The following CDH18 variants were observed in gnomAD, a reference collection of about 807,000 sequenced individuals.
CDH18 encodes the protein cadherin-18.
In CDH18, 31 loss-of-function variants were observed where a neutral mutation model predicts 67.9. That is an observed-to-expected ratio of 0.46 (90% CI 0.34 to 0.62). The LOEUF (loss-of-function observed/expected upper bound fraction) is 0.62. Ranked by LOEUF, CDH18 falls within the 20% of genes least tolerant of loss-of-function variation. CDH18 has a pLI of 0.01. For synonymous variants in CDH18, 362 were observed against 347.2 expected (o/e 1.04, Z -0.48); for missense variants, 890 against 975.5 (o/e 0.91, Z 1.17).
intron 2 of CDH18, among the ~76,000 whole-genome samples, chr5:20,140,642 G>T (rs1278899900): frequency 6.6e-6 from 1 of 152,062 alleles, no homozygotes; most frequent in Non-Finnish European, 1.5e-5. Flanking sequence ...AGATGTGTCA[G>T]ACTCTCCAGA....
chr5:19,568,302 A>T (rs957269268), intron 8 of CDH18, among the ~76,000 whole-genome samples: 1 of 152,166 alleles, frequency 6.6e-6, no homozygotes, highest in Non-Finnish European at 1.5e-5. Flanking sequence ...GGAGGTACAA[A>T]CTTCTGGAGG....
At chr5:20,390,471 T>C (rs983863884) in intron 1 of CDH18, among the ~76,000 whole-genome samples, 1 of 152,088 alleles carries the variant, frequency 6.6e-6, no homozygotes, top group Non-Finnish European at 1.5e-5. Flanking sequence ...TGGCGATCAT[T>C]AAAAAGTCAG....
At chr5:20,319,656 T>TA (rs1225970190) in intron 1 of CDH18, among the ~76,000 whole-genome samples, 2 of 152,148 alleles carry the variant, frequency 1.3e-5, no homozygotes, top group African/African-American at 4.8e-5. Context: ...AGTGTCGAAT[T>TA]AAAATTTGAG....
intron 1 of CDH18, among the ~76,000 whole-genome samples, chr5:20,556,350 G>A (rs530518787): frequency 6.6e-6 from 1 of 152,148 alleles, no homozygotes; most frequent in South Asian, 2.1e-4. Context: ...GACCATTGCA[G>A]TATAGCTTAT....
intron 5 of CDH18, among the ~76,000 whole-genome samples, chr5:19,637,919 A>G (rs1038255318): frequency 6.6e-6 from 1 of 152,190 alleles, no homozygotes; most frequent in Non-Finnish European, 1.5e-5. Flanking sequence ...TCTGTGTACC[A>G]TGCTTTAATA....
intron 2 of CDH18, among the ~76,000 whole-genome samples, chr5:20,047,114 A>G (rs560306497): frequency 2.0e-5 from 3 of 152,080 alleles, no homozygotes; most frequent in Non-Finnish European, 4.4e-5. Context: ...GCATGTTTAC[A>G]TGTTGATGAG....
chr5:20,222,049 C>G (rs1741267898), intron 2 of CDH18, among the ~76,000 whole-genome samples: 2 of 152,114 alleles, frequency 1.3e-5, no homozygotes, highest in Non-Finnish European at 2.9e-5. Context: ...AGTTGCTCTT[C>G]CCTGGACCAC....
intron 1 of CDH18, among the ~76,000 whole-genome samples, chr5:20,571,367 C>G (rs1039265889): frequency 5.3e-5 from 8 of 151,998 alleles, no homozygotes; most frequent in Non-Finnish European, 1.0e-4. Flanking sequence ...AAAAGATAAT[C>G]TCTTTTTAGA....
intron 2 of CDH18, among the ~76,000 whole-genome samples, chr5:20,056,863 T>A (rs1479962937): frequency 6.6e-6 from 1 of 151,618 alleles, no homozygotes; most frequent in Non-Finnish European, 1.5e-5. Flanking sequence ...TCTTTTGTAT[T>A]TTTAGTGGAG....
intron 2 of CDH18, among the ~76,000 whole-genome samples, chr5:19,845,102 T>G (rs1019408212): frequency 6.6e-6 from 1 of 152,266 alleles, no homozygotes; most frequent in Admixed American, 6.5e-5. Context: ...TCAGCTTCTT[T>G]TAAAAAATAT....
intron 3 of CDH18, among the ~76,000 whole-genome samples, chr5:19,811,556 G>C (rs1778749028): frequency 6.6e-6 from 1 of 152,096 alleles, no homozygotes; most frequent in Non-Finnish European, 1.5e-5. Flanking sequence ...TGCTGTTTAA[G>C]TCACCCAGTT....
chr5:20,069,570 G>A (rs1037339141), intron 2 of CDH18, among the ~76,000 whole-genome samples: 5 of 151,734 alleles, frequency 3.3e-5, no homozygotes, highest in African/African-American at 4.8e-5. Context: ...CTGCCACCAC[G>A]CCCAGCTACT....
chr5:20,178,882 C>T (rs550712163), intron 2 of CDH18, among the ~76,000 whole-genome samples: 1 of 152,196 alleles, frequency 6.6e-6, no homozygotes, highest in South Asian at 2.1e-4. Context: ...GGCAATAAGT[C>T]ATGTGTTCTT....
At chr5:19,975,232 T>C (rs998181408) in intron 2 of CDH18, among the ~76,000 whole-genome samples, 4 of 152,156 alleles carry the variant, frequency 2.6e-5, no homozygotes, top group African/African-American at 9.7e-5. Context: ...GCATACCATG[T>C]CTCCACATCG....
rs150666166 is a variant in CDH18 at position 20,201,208 on chromosome 5, C to T, written c.-518+54236G>A. On this transcript the variant is annotated intron_variant, in intron 2 of 14. Transcript: ENST00000507958. ...ACTAGATGCATTACTCCAATCTCTG[C>T]TTCTGTCCTCCTACAGCCATCTTCT... Among the ~76,000 whole-genome samples the T allele has an allele frequency of 3.7e-3, 555 of 151,942 alleles. 2 individuals are homozygous for T. The highest frequency in any genetic ancestry group is 0.013 in the African/African-American group (531 of 41,398).
intron 1 of CDH18, among the ~76,000 whole-genome samples, chr5:20,532,720 A>C (rs1325772225): frequency 6.6e-6 from 1 of 152,058 alleles, no homozygotes. Context: ...TCATTCTATT[A>C]AATACTTCAA....
intron 12 of CDH18, among the ~76,000 whole-genome samples, chr5:19,482,723 C>A (rs1739674215): frequency 1.3e-5 from 2 of 152,150 alleles, no homozygotes. Context: ...TTTCTGTCAT[C>A]TCACGTAGTT....
chr5:19,726,359 C>A (rs1259896183), intron 4 of CDH18, among the ~76,000 whole-genome samples: 3 of 152,194 alleles, frequency 2.0e-5, no homozygotes, highest in African/African-American at 7.2e-5. Flanking sequence ...CACAGGAAGT[C>A]TCACACAATT....
At chr5:19,615,325 C>T (rs932651236) in intron 5 of CDH18, among the ~76,000 whole-genome samples, 6 of 152,094 alleles carry the variant, frequency 3.9e-5, no homozygotes, top group African/African-American at 1.4e-4. Flanking sequence ...GACGCATTTT[C>T]TGGGATCACT....
Sources: gnomAD v4.1 joint callset for allele counts (sites outside exome capture counted in the v4.1 genomes callset) on GRCh38, gnomAD v4.1.1 for gene constraint, MANE v1.5 for transcripts, NCBI Gene and HGNC (gene_info 2026-07-23, HGNC 2026-07-21) for gene names.